Variants in CRACD observed in about 807,000 individuals in gnomAD.
The protein encoded by CRACD is capping protein inhibiting regulator of actin dynamics.
A neutral mutation model predicts 106.8 loss-of-function variants in CRACD; 56 were observed. The ratio of observed to expected loss-of-function variants is 0.52; its 90% confidence interval spans 0.42 to 0.66. The LOEUF is 0.66. CRACD is among the 30% of genes least tolerant of loss of function. The pLI is 0.00. For synonymous variants in CRACD, 754 were observed against 670.8 expected (o/e 1.12, Z -1.92); for missense variants, 1,730 against 1,623.2 (o/e 1.07, Z -1.13).
At chr4:56,205,621 G>A (rs1047412786) in intron 2 of CRACD, among the ~76,000 whole-genome samples, 134 of 151,912 alleles carry the variant, frequency 8.8e-4, no homozygotes, top group African/African-American at 3.1e-3. Flanking sequence ...TTAGAAAAAA[G>A]TACTTGTTTA....
At chr4:56,299,030 T>C (rs1211865044) in intron 4 of CRACD, among the ~76,000 whole-genome samples, 1 of 152,226 alleles carries the variant, frequency 6.6e-6, no homozygotes, top group African/African-American at 2.4e-5. Flanking sequence ...CAGGGCTGAC[T>C]GTTGACTGAG....
intron 2 of CRACD, among the ~76,000 whole-genome samples, chr4:56,221,774 A>T (rs945739712): frequency 6.6e-5 from 10 of 152,192 alleles, no homozygotes; most frequent in African/African-American, 2.4e-4. Context: ...GCCAAGAAAC[A>T]TGTGAAAAAA....
intron 1 of CRACD, among the ~76,000 whole-genome samples, chr4:56,076,271 C>A (rs1174971161): frequency 6.6e-6 from 1 of 152,154 alleles, no homozygotes; most frequent in Non-Finnish European, 1.5e-5. Flanking sequence ...ACTGTGGCCT[C>A]CAGAATTCAG....
rs1743350043 is a variant in CRACD, at chr4:56,286,489, G to A, written c.-16-11725G>A. On this transcript the variant is annotated intron_variant, in intron 3 of 10. Coordinates refer to ENST00000682029, the MANE Select transcript of CRACD (RefSeq NM_001393381.1). ...TACAGTGAGCCGAGATCGCGCCACT[G>A]CACTACAGCCTGGGCGACAGAGCGA... Among the ~76,000 whole-genome samples, 6 of 135,240 alleles carry A rather than the reference G, an allele frequency of 4.4e-5. No homozygotes were observed. The South Asian group carries it at 1.1e-3, about 26-fold the overall frequency. 88.7% of individuals were successfully genotyped at this position (135,240 alleles called of 152,430 possible).
intron 1 of CRACD, among the ~76,000 whole-genome samples, chr4:56,168,560 G>T: frequency 6.6e-6 from 1 of 150,896 alleles, no homozygotes; most frequent in African/African-American, 2.4e-5. Flanking sequence ...GAGTCTCATT[G>T]AAAAAAATAA....
In CRACD at chr4:56,323,361, G is replaced by T. The variant is rs1394512942; in HGVS notation, c.3188-16G>T. ...TTAAGTTCATTGCAAACCGTTCTTTGTCTTATTCCCCACAGAGAAGCCGAT... is the reference window on the plus strand; with the variant it reads ...TTAAGTTCATTGCAAACCGTTCTTTTTCTTATTCCCCACAGAGAAGCCGAT... On this transcript the variant is annotated splice_polypyrimidine_tract_variant and intron_variant, in intron 8 of 10. Coordinates refer to ENST00000682029, the MANE Select transcript of CRACD (RefSeq NM_001393381.1). The T allele has an allele frequency of 2.5e-6, 4 of 1,587,614 alleles. No individual in the cohort carries two copies. Among genetic ancestry groups the T allele is most frequent in the Non-Finnish European group, 3.4e-6 (4 of 1,173,406 alleles).
intron 1 of CRACD, among the ~76,000 whole-genome samples, chr4:56,101,176 A>G (rs748259275): frequency 2.6e-5 from 4 of 152,194 alleles, no homozygotes; most frequent in Admixed American, 1.3e-4. Flanking sequence ...CCAAGTATAT[A>G]TTTATATATA....
At chr4:56,085,070 G>A (rs13109916) in intron 1 of CRACD, among the ~76,000 whole-genome samples, 1 of 152,130 alleles carries the variant, frequency 6.6e-6, no homozygotes, top group Non-Finnish European at 1.5e-5. Flanking sequence ...TGAGTGGGAA[G>A]GGTGGAGTAT....
chr4:56,308,905 G>T, intron 5 of CRACD: 1 of 1,288,948 alleles, frequency 7.8e-7, no homozygotes, highest in Non-Finnish European at 1.0e-6. Context: ...TGTGGCCTGG[G>T]GGATTGTTTG....
At chr4:56,176,734 G>A (rs938102793) in intron 1 of CRACD, among the ~76,000 whole-genome samples, 1 of 152,060 alleles carries the variant, frequency 6.6e-6, no homozygotes, top group Non-Finnish European at 1.5e-5. Flanking sequence ...CAAGCCTGGA[G>A]CAATTTCTTT....
At chr4:56,264,098 A>T (rs1741862486) in intron 2 of CRACD, among the ~76,000 whole-genome samples, 1 of 152,150 alleles carries the variant, frequency 6.6e-6, no homozygotes, top group Non-Finnish European at 1.5e-5. Flanking sequence ...GCGGCAGGAG[A>T]GAGAGAGCGA....
At chr4:56,169,428 C>A (rs138105707) in intron 1 of CRACD, among the ~76,000 whole-genome samples, 12 of 152,256 alleles carry the variant, frequency 7.9e-5, no homozygotes, top group African/African-American at 2.9e-4. Flanking sequence ...ACCTCCCATG[C>A]CCAGAGAACA....
At chr4:56,091,907 G>T (rs1434873926) in intron 1 of CRACD, among the ~76,000 whole-genome samples, 3 of 152,124 alleles carry the variant, frequency 2.0e-5, no homozygotes, top group Admixed American at 6.5e-5. Flanking sequence ...TACAGAAAAG[G>T]ATCTGCTGTT....
At chr4:56,293,719 C>T (rs1743828097) in intron 3 of CRACD, among the ~76,000 whole-genome samples, 1 of 152,122 alleles carries the variant, frequency 6.6e-6, no homozygotes, top group African/African-American at 2.4e-5. Context: ...CAGGATCTTG[C>T]AAGAACTCAC....
At chr4:56,112,709 C>T (rs1028846546) in intron 1 of CRACD, among the ~76,000 whole-genome samples, 6 of 152,114 alleles carry the variant, frequency 3.9e-5, no homozygotes, top group African/African-American at 1.4e-4. Context: ...GAAAACATCC[C>T]CTGACTCTCC....
At chr4:56,094,259 G>A (rs1229894380) in intron 1 of CRACD, among the ~76,000 whole-genome samples, 1 of 152,138 alleles carries the variant, frequency 6.6e-6, no homozygotes, top group Non-Finnish European at 1.5e-5. Context: ...AGGAGCTTAT[G>A]TGCTTTCTTC....
chr4:56,108,166 C>G (rs994377981), intron 1 of CRACD, among the ~76,000 whole-genome samples: 2 of 152,136 alleles, frequency 1.3e-5, no homozygotes, highest in African/African-American at 4.8e-5. Flanking sequence ...TGTCTCTTCT[C>G]AATTACAAAG....
intron 3 of CRACD, among the ~76,000 whole-genome samples, chr4:56,275,039 C>A (rs552447907): frequency 6.6e-6 from 1 of 152,242 alleles, no homozygotes; most frequent in East Asian, 1.9e-4. Context: ...AACAGAAAAC[C>A]AAATACTGCA....
At position 56,315,628 on chromosome 4, in the gene CRACD, A is replaced by G. The variant is rs1745574133; in HGVS notation, c.2126A>G (p.Gln709Arg). The G allele has an allele frequency of 6.2e-7, 1 of 1,614,086 alleles. No individual in the cohort carries two copies. The highest frequency in any genetic ancestry group is 1.3e-5 in the African/African-American group (1 of 74,938). Residue 709 changes from glutamine (Q) to arginine (R), a missense_variant, in exon 8 of 11, where the codon CAA becomes CGA. Transcript: ENST00000682029. The surrounding 1 kb of genome is among the most constrained non-coding windows in gnomAD (Gnocchi z 4.1). ...PRGRCDSRGN[Q>R]RKTPPVNAKF... ...GGCCGGTGTGATTCCCGCGGGAACCAACGGAAGACTCCGCCAGTCAATGCA... is the reference window on the plus strand; with the variant it reads ...GGCCGGTGTGATTCCCGCGGGAACCGACGGAAGACTCCGCCAGTCAATGCA...
Sources: gnomAD v4.1 joint callset for allele counts (sites outside exome capture counted in the v4.1 genomes callset) on GRCh38, gnomAD v4.1.1 for gene constraint, Gnocchi (gnomAD v3.1) non-coding constraint, MANE v1.5 for transcripts, NCBI Gene and HGNC (gene_info 2026-07-23, HGNC 2026-07-21) for gene names.